VTI1A: variants seen among roughly 807,000 people sequenced by gnomAD.
The protein encoded by VTI1A is vesicle transport through interaction with t-SNAREs homolog 1A.
In VTI1A, 22 loss-of-function variants were observed where a neutral mutation model predicts 34.9. The observed-to-expected ratio is 0.63, with a 90% CI of 0.45 to 0.90. The LOEUF is 0.90. Ranked by LOEUF, VTI1A falls within the 40% of genes least tolerant of loss-of-function variation. VTI1A has a pLI of 0.00. For missense variants in VTI1A, 268 were observed against 275.6 expected, an observed-to-expected ratio of 0.97 and a Z score of 0.20; for synonymous variants, 87 against 97.3, an observed-to-expected ratio of 0.89 and a Z score of 0.62.
At chr10:112,754,414 T>C (rs1463251594) in intron 7 of VTI1A, among the ~76,000 whole-genome samples, 1 of 152,190 alleles carries the variant, frequency 6.6e-6, no homozygotes, top group South Asian at 2.1e-4. Flanking sequence ...TGTTCAGTGC[T>C]CCCAGGAAGT....
chr10:112,568,428 G>A (rs1851985924), intron 5 of VTI1A, among the ~76,000 whole-genome samples: 1 of 151,940 alleles, frequency 6.6e-6, no homozygotes, highest in East Asian at 1.9e-4. Flanking sequence ...AATCTCTTGA[G>A]CCCGGGAGGC....
chr10:112,508,556 T>C (rs1054509525), intron 3 of VTI1A, among the ~76,000 whole-genome samples: 5 of 152,238 alleles, frequency 3.3e-5, no homozygotes, highest in Non-Finnish European at 7.3e-5. Context: ...GTGTTCATAT[T>C]GTGAGTCCCA....
intron 7 of VTI1A, among the ~76,000 whole-genome samples, chr10:112,803,414 G>A (rs1207598611): frequency 1.3e-5 from 2 of 152,250 alleles, no homozygotes; most frequent in African/African-American, 2.4e-5. Context: ...GGCTCATTAA[G>A]AGGTGGGGCC....
downstream of VTI1A, among the ~76,000 whole-genome samples, chr10:112,821,685 C>A (rs1193981971): frequency 6.6e-6 from 1 of 152,214 alleles, no homozygotes; most frequent in African/African-American, 2.4e-5. Flanking sequence ...CTCATCCCAT[C>A]AGAAAAGAGG....
intron 3 of VTI1A, among the ~76,000 whole-genome samples, chr10:112,522,228 T>G (rs1413414173): frequency 6.6e-6 from 1 of 152,060 alleles, no homozygotes; most frequent in Non-Finnish European, 1.5e-5. Context: ...ATGTATCACC[T>G]GGTAACCTTG....
chr10:112,468,975 T>G (rs1327378639), intron 3 of VTI1A, among the ~76,000 whole-genome samples: 1 of 152,214 alleles, frequency 6.6e-6, no homozygotes. Flanking sequence ...TGTAGTACTA[T>G]TTCCTGATTC....
At chr10:112,778,815 A>G (rs1263854280) in intron 7 of VTI1A, among the ~76,000 whole-genome samples, 1 of 152,150 alleles carries the variant, frequency 6.6e-6, no homozygotes, top group Non-Finnish European at 1.5e-5. Context: ...TTTTTGTCTG[A>G]ATCAAGAAAT....
chr10:112,625,600 A>ACTG (rs1845889788), intron 5 of VTI1A, among the ~76,000 whole-genome samples: 1 of 131,532 alleles, frequency 7.6e-6, no homozygotes, highest in Non-Finnish European at 1.6e-5. Context: ...AGATCGCACC[A>ACTG]CTGCACTCCA....
chr10:112,851,757 T>C, the VTI1A span, among the ~76,000 whole-genome samples: 3 of 152,152 alleles, frequency 2.0e-5, no homozygotes, highest in Non-Finnish European at 4.4e-5. Context: ...CATTTGAACT[T>C]GAGAACTGTA....
At position 112,594,417 on chromosome 10, in the gene VTI1A, T is replaced by C. The variant is rs1049477404; in HGVS notation, c.427+56087T>C. On this transcript the variant is annotated intron_variant, in intron 5 of 7. Transcript: ENST00000393077. ...TGATTGTATATCTAGAAAACCCCAT[T>C]GTCTCAGCCCAAAATCTCCTTAAGC... Among the ~76,000 whole-genome samples the C allele has an allele frequency of 3.9e-5, 6 of 152,124 alleles. No individual in the cohort carries two copies. The South Asian group carries it at 1.2e-3, about 32-fold the overall frequency.
intron 7 of VTI1A, 109 bp from the exon 8 acceptor site, chr10:112,815,180 AC>A: frequency 4.8e-6 from 1 of 209,604 alleles, no homozygotes; most frequent in African/African-American, 4.9e-5. Context: ...CACGCTCCCC[AC>A]CCCCACCTGC....
chr10:112,544,433 T>G, intron 5 of VTI1A, among the ~76,000 whole-genome samples: 1 of 152,144 alleles, frequency 6.6e-6, no homozygotes. Flanking sequence ...TTTCACCATG[T>G]TAAGTTATCC....
intron 5 of VTI1A, among the ~76,000 whole-genome samples, chr10:112,577,955 G>A (rs1034843465): frequency 2.0e-5 from 3 of 152,164 alleles, no homozygotes; most frequent in Admixed American, 2.0e-4. Context: ...TTTGAATGGG[G>A]TTAATAACGC....
At chr10:112,774,927 G>C (rs1293941041) in intron 7 of VTI1A, among the ~76,000 whole-genome samples, 3 of 152,158 alleles carry the variant, frequency 2.0e-5, no homozygotes, top group Non-Finnish European at 4.4e-5. Context: ...ACATGCAACA[G>C]GGCTGACATA....
At chr10:112,830,849 A>ATATATATATATATATATATTTTT in the VTI1A span, among the ~76,000 whole-genome samples, 47 of 33,454 alleles carry the variant, frequency 1.4e-3, no homozygotes, top group East Asian at 3.0e-3. Flanking sequence ...ATATATATAT[A>ATATATATATATATATATATTTTT]TTTTTTTTTT....
the VTI1A span, among the ~76,000 whole-genome samples, chr10:112,836,780 A>G: frequency 2.0e-5 from 3 of 152,154 alleles, no homozygotes; most frequent in African/African-American, 7.2e-5. Context: ...CCGTGGTTTC[A>G]GGCCCATCTG....
chr10:112,702,544 C>T (rs543128294), intron 7 of VTI1A, among the ~76,000 whole-genome samples: 2 of 151,552 alleles, frequency 1.3e-5, no homozygotes, highest in African/African-American at 4.8e-5. Flanking sequence ...CTCAGCCTCC[C>T]GAGTAGCTGG....
At chr10:112,812,785 C>T (rs750125459) in intron 7 of VTI1A, among the ~76,000 whole-genome samples, 1 of 152,200 alleles carries the variant, frequency 6.6e-6, no homozygotes, top group African/African-American at 2.4e-5. Context: ...ACCCCGCCCC[C>T]ACCCAGCACA....
chr10:112,509,819 G>GA (rs1389261498), intron 3 of VTI1A, among the ~76,000 whole-genome samples: 1 of 152,156 alleles, frequency 6.6e-6, no homozygotes, highest in African/African-American at 2.4e-5. Flanking sequence ...GTTTAATTTG[G>GA]AAAAATCATT....
Sources: gnomAD v4.1 joint callset for allele counts (sites outside exome capture counted in the v4.1 genomes callset) on GRCh38, gnomAD v4.1.1 for gene constraint, MANE v1.5 for transcripts, NCBI Gene and HGNC (gene_info 2026-07-23, HGNC 2026-07-21) for gene names.